Variants in USP25 observed in about 807,000 individuals in gnomAD.
USP25 encodes ubiquitin specific peptidase 25.
In USP25, 85 loss-of-function variants were observed where a neutral mutation model predicts 158.5. The ratio of observed to expected loss-of-function variants is 0.54; its 90% confidence interval spans 0.45 to 0.64. USP25 has a LOEUF of 0.64. Ranked by LOEUF, USP25 falls within the 30% of genes least tolerant of loss-of-function variation. USP25 has a pLI of 0.00. For missense variants in USP25, 1,242 were observed against 1,327.3 expected (o/e 0.94, Z 1.00); for synonymous variants, 464 against 460.4 (o/e 1.01, Z -0.10).
chr21:15,809,067 A>C (rs764300678), intron 8 of USP25, among the ~76,000 whole-genome samples, 182 bp downstream of exon 8: 1 of 152,214 alleles, frequency 6.6e-6, no homozygotes, highest in Admixed American at 6.5e-5. Context: ...AAATCTAAAA[A>C]GTGATCCCTG....
At chr21:15,873,639 A>G (rs2039983041) in intron 23 of USP25, among the ~76,000 whole-genome samples, 1 of 151,778 alleles carries the variant, frequency 6.6e-6, no homozygotes, top group Non-Finnish European at 1.5e-5. Context: ...GACTACAGGC[A>G]TGTGTCACCA....
intron 3 of USP25, among the ~76,000 whole-genome samples, chr21:15,770,551 A>G (rs2034293860): frequency 6.6e-6 from 1 of 152,150 alleles, no homozygotes. Flanking sequence ...TGACTCCCTT[A>G]CTACTTACTC....
intron 1 of USP25, among the ~76,000 whole-genome samples, chr21:15,736,364 C>A (rs1300293398): frequency 6.6e-6 from 1 of 152,152 alleles, no homozygotes; most frequent in South Asian, 2.1e-4. Context: ...TCCCGAAGTA[C>A]TGGGCAGTTT....
chr21:15,746,206 T>A (rs777661569), intron 1 of USP25, among the ~76,000 whole-genome samples: 41 of 152,224 alleles, frequency 2.7e-4, no homozygotes, highest in Non-Finnish European at 4.9e-4. Context: ...TGAGGTACTT[T>A]GAACAGTTGG....
intron 20 of USP25, among the ~76,000 whole-genome samples, chr21:15,859,303 C>T (rs960202622): frequency 2.0e-5 from 3 of 151,894 alleles, no homozygotes; most frequent in Non-Finnish European, 4.4e-5. Flanking sequence ...CGCCATTCTC[C>T]TGCCTCAGCC....
chr21:15,741,288 CTTT>C (rs35427982), intron 1 of USP25, among the ~76,000 whole-genome samples: 3 of 139,770 alleles, frequency 2.1e-5, no homozygotes, highest in Admixed American at 7.1e-5. Context: ...TTTTGATGTA[CTTT>C]TTTTTTTTTT....
rs761025024 is a variant in USP25 at position 15,824,981 on chromosome 21, C to T, written c.1224C>T (p.Asn408=). Residue 408 remains asparagine (N), a synonymous_variant, in exon 12 of 26, where the codon AAC becomes AAT. Coordinates refer to ENST00000400183, the MANE Select transcript of USP25 (RefSeq NM_001283041.3). ...VLYLDRYMHR[N]REITRIKREE... ...TTTCTGATAGATACATGCACAGAAA[C>T]AGAGAAATAACAAGAATTAAGAGGG... 4 of 1,609,964 alleles carry T rather than the reference C, an allele frequency of 2.5e-6. No individual in the cohort carries two copies. The African/African-American group carries it at 5.4e-5, about 22-fold the overall frequency.
chr21:15,803,102 A>G (rs747450797), intron 6 of USP25, among the ~76,000 whole-genome samples: 1 of 151,706 alleles, frequency 6.6e-6, no homozygotes, highest in Admixed American at 6.6e-5. Context: ...GCCCTACATT[A>G]TATTAAAGGA....
intron 9 of USP25, among the ~76,000 whole-genome samples, chr21:15,813,081 G>C (rs899680762): frequency 1.4e-5 from 2 of 143,952 alleles, no homozygotes; most frequent in African/African-American, 5.2e-5. Context: ...TCTTTTCTGT[G>C]TCTGTACTGA....
intron 1 of USP25, among the ~76,000 whole-genome samples, chr21:15,755,864 G>T (rs1017748999): frequency 3.3e-5 from 5 of 152,164 alleles, no homozygotes; most frequent in African/African-American, 4.8e-5. Context: ...TCTTCATAAA[G>T]GGAGAAGTGG....
chr21:15,853,951 C>A lies in USP25; in HGVS notation c.2547+4079C>A, dbSNP rs199859090. 6.6e-5 allele frequency among the ~76,000 whole-genome samples: 10 copies of A among 152,058 alleles called. No homozygotes were observed. The East Asian group carries it at 1.9e-3, about 29-fold the overall frequency. ...ATAGTTATTGGCATGTTTAAATATTCTTCCTTTTTTTGATTGATTCTAATC... is the reference window on the plus strand; with the variant it reads ...ATAGTTATTGGCATGTTTAAATATTATTCCTTTTTTTGATTGATTCTAATC... On this transcript the variant is annotated intron_variant, in intron 20 of 25. Transcript: ENST00000400183.
intron 3 of USP25, among the ~76,000 whole-genome samples, chr21:15,776,848 A>G (rs953195292): frequency 3.3e-5 from 5 of 152,178 alleles, no homozygotes; most frequent in Admixed American, 2.6e-4. Flanking sequence ...TCTAAAAAAT[A>G]AAATTTAAAA....
At chr21:15,870,258 A>G in intron 23 of USP25, 111 bp downstream of exon 23, 1 of 702,408 alleles carries the variant, frequency 1.4e-6, no homozygotes, top group South Asian at 2.6e-5. Context: ...TTTTTAATAA[A>G]TGTTTTATTT....
intron 1 of USP25, chr21:15,744,044 G>A (rs1191105445): frequency 6.4e-6 from 1 of 155,544 alleles, no homozygotes; most frequent in East Asian, 1.9e-4. Context: ...GGTGGCGCCA[G>A]GAGGAGAGCA....
At chr21:15,810,787 G>A (rs187892845) in intron 8 of USP25, among the ~76,000 whole-genome samples, 252 of 152,110 alleles carry the variant, frequency 1.7e-3, no homozygotes, top group African/African-American at 5.5e-3. Flanking sequence ...CCAAATAAAC[G>A]TGCACTACAC....
At chr21:15,859,224 G>A (rs541091306) in intron 20 of USP25, among the ~76,000 whole-genome samples, 288 of 149,106 alleles carry the variant, frequency 1.9e-3, no homozygotes, top group Non-Finnish European at 3.2e-3. Context: ...ACGGGGTCTC[G>A]CTCTGTCGCC....
intron 1 of USP25, among the ~76,000 whole-genome samples, chr21:15,752,511 G>GC (rs1235826329): frequency 6.6e-6 from 1 of 152,232 alleles, no homozygotes; most frequent in Non-Finnish European, 1.5e-5. Context: ...ACTGCACCTG[G>GC]CCCAGATGGG....
chr21:15,818,927 T>G (rs2037089058), intron 10 of USP25, 81 bp downstream of exon 10: 1 of 1,427,766 alleles, frequency 7.0e-7, no homozygotes, highest in African/African-American at 1.4e-5. Flanking sequence ...GTTCTAATTA[T>G]AGAGCTACCT....
chr21:15,773,815 T>G (rs1390029900), intron 3 of USP25, among the ~76,000 whole-genome samples: 1 of 152,188 alleles, frequency 6.6e-6, no homozygotes, highest in Non-Finnish European at 1.5e-5. Flanking sequence ...CTATTATGTT[T>G]GAATAACATA....
Sources: allele counts gnomAD v4.1 joint callset (sites outside exome capture counted in the v4.1 genomes callset), GRCh38; gene constraint gnomAD v4.1.1; transcripts MANE v1.5; gene names NCBI Gene and HGNC (gene_info 2026-07-23, HGNC 2026-07-21).